Variants in PKD1L3 observed in about 807,000 individuals in gnomAD.
PKD1L3 encodes the protein polycystin-1-like protein 3.
Under a neutral mutation model 184.1 loss-of-function variants are expected in PKD1L3, and 239 were observed. That is an observed-to-expected ratio of 1.30 (90% confidence interval 1.17 to 1.45). The LOEUF (loss-of-function observed/expected upper bound fraction) is 1.45. PKD1L3 is among the 40% of genes most tolerant of loss of function. The probability of loss-of-function intolerance (pLI) is 0.00; values close to 1 mark genes in which losing one functional copy is unlikely to be tolerated. For synonymous variants in PKD1L3, 996 were observed against 778.8 expected, an observed-to-expected ratio of 1.28 and a Z score of -4.64; for missense variants, 2,660 against 2,067.2, an observed-to-expected ratio of 1.29 and a Z score of -5.56.
intron 22 of PKD1L3, among the ~76,000 whole-genome samples, chr16:71,946,294 T>C (rs2038600784): frequency 6.6e-6 from 1 of 151,866 alleles, no homozygotes; most frequent in Non-Finnish European, 1.5e-5. Context: ...TAAAGTGTGC[T>C]GTGTACCCCT....
At position 71,999,718 on chromosome 16, in the gene PKD1L3, C is replaced by T. The variant is rs1327641234; in HGVS notation, c.261G>A (p.Met87Ile). The T allele has an allele frequency of 1.9e-6, 3 of 1,550,130 alleles. No homozygotes were observed. Among genetic ancestry groups the T allele is most frequent in the Admixed American group, 2.0e-5 (1 of 50,858 alleles). ...GKKWWIGQNVMPLKKHQDNKY... is the reference protein window; with the variant it reads ...GKKWWIGQNVIPLKKHQDNKY... ...TGTTGTCTTGATGCTTTTTCAATGG[C>T]ATTACATTTTGCCCAATCCACCACT... Residue 87 changes from methionine (M) to isoleucine (I), a missense_variant, in exon 1 of 30, where the codon ATG becomes ATA. Met to Ile is a conservative substitution (Grantham distance 10). Coordinates refer to ENST00000620267, the MANE Select transcript of PKD1L3 (RefSeq NM_181536.2).
intron 22 of PKD1L3, among the ~76,000 whole-genome samples, chr16:71,945,424 T>TTATA (rs1555514841): frequency 6.9e-5 from 10 of 145,326 alleles, no homozygotes; most frequent in African/African-American, 2.5e-4. Context: ...ATTTATTTAT[T>TTATA]TATATATGTA....
At chr16:71,983,663 CTTTTTTTTTTTTTT>C (rs1180950058) in intron 6 of PKD1L3, among the ~76,000 whole-genome samples, 7 of 100,308 alleles carry the variant, frequency 7.0e-5, no homozygotes, top group African/African-American at 2.3e-4. Flanking sequence ...GATTCTCTTT[CTTTTTTTTTTTTTT>C]TTTTTTTTGG....
chr16:71,934,940 A>G (rs1297212557), intron 26 of PKD1L3, among the ~76,000 whole-genome samples: 2 of 152,250 alleles, frequency 1.3e-5, no homozygotes, highest in Non-Finnish European at 2.9e-5. Flanking sequence ...AAAATCTCTT[A>G]GTATGGATGA....
chr16:71,981,274 T>A (rs1371884183), intron 7 of PKD1L3, among the ~76,000 whole-genome samples: 2 of 152,214 alleles, frequency 1.3e-5, no homozygotes, highest in South Asian at 2.1e-4. Flanking sequence ...ACATGGCGAT[T>A]CTATTTTTTA....
chr16:71,958,365 C>T (rs1418801417), intron 16 of PKD1L3, among the ~76,000 whole-genome samples: 2 of 134,606 alleles, frequency 1.5e-5, no homozygotes, highest in Admixed American at 8.0e-5. Flanking sequence ...CCAGCCTGGG[C>T]GACAGAGCGA....
intron 3 of PKD1L3, among the ~76,000 whole-genome samples, chr16:71,992,366 A>G (rs970726578): frequency 1.3e-5 from 2 of 152,220 alleles, no homozygotes; most frequent in Non-Finnish European, 2.9e-5. Context: ...TAATTCAGTA[A>G]TTTAGTTTTA....
At chr16:71,982,665 T>C (rs116402171) in intron 6 of PKD1L3, among the ~76,000 whole-genome samples, 5,963 of 152,168 alleles carry the variant, frequency 0.039, 349 homozygotes, top group African/African-American at 0.14. Context: ...GGTACAATCA[T>C]GCCTCACTGC....
rs2040883129 is a variant in PKD1L3 at position 71,999,064 on chromosome 16, G to A, written c.295+620C>T. On this transcript the variant is annotated intron_variant, in intron 1 of 29. Transcript: ENST00000620267. ...AGGCGGGCGGATCACGAGGTCAGGA[G>A]ATCAAGACCATCCTGGCTAACACAG... Among the ~76,000 whole-genome samples the A allele has an allele frequency of 3.9e-5, 6 of 152,100 alleles. 1 individual carries two copies. In the South Asian group the frequency reaches 1.2e-3, roughly 32 times the overall value.
Position 71,935,431 on chromosome 16 carries a change from G to A in PKD1L3, c.4540C>T (p.Leu1514Phe). The change falls in exon 26 of 30, where the codon CTC becomes TTC. Residue 1514 changes from leucine (L) to phenylalanine (F), a missense_variant. Leu to Phe is a conservative substitution (Grantham distance 22). Transcript: ENST00000620267. ...ATACTCTTCATGTCAAGCCCCAGGA[G>A]GATGAAGCTAATGAGGATTATACTT... Reference protein sequence around the residue: ...DTSIILISFILLGLDMKSISL... With the variant: ...DTSIILISFIFLGLDMKSISL... The A allele has an allele frequency of 6.4e-7, 1 of 1,552,014 alleles. No individual in the cohort carries two copies. Among genetic ancestry groups the A allele is most frequent in the Non-Finnish European group, 8.7e-7 (1 of 1,147,020 alleles).
intron 16 of PKD1L3, among the ~76,000 whole-genome samples, chr16:71,959,462 A>AGAAT (rs1597322728): frequency 6.6e-6 from 1 of 152,184 alleles, no homozygotes; most frequent in African/African-American, 2.4e-5. Context: ...ACAGAAAACT[A>AGAAT]GAATAAACAG....
At chr16:71,951,476 T>C in intron 19 of PKD1L3, 88 bp downstream of exon 19, 1 of 1,325,218 alleles carries the variant, frequency 7.5e-7, no homozygotes, top group Non-Finnish European at 1.0e-6. Context: ...ATCAGGCCTG[T>C]CGGTTATGAA....
chr16:71,931,374 G>A (rs1047049948), intron 28 of PKD1L3, among the ~76,000 whole-genome samples: 1 of 151,652 alleles, frequency 6.6e-6, no homozygotes, highest in Non-Finnish European at 1.5e-5. Context: ...GGCCCCCACA[G>A]GTACCAAAAT....
intron 16 of PKD1L3, among the ~76,000 whole-genome samples, chr16:71,957,387 G>A (rs1021794264): frequency 6.6e-6 from 1 of 152,028 alleles, no homozygotes; most frequent in Admixed American, 6.6e-5. Context: ...ATGTAAATAG[G>A]TTAAACTCAC....
chr16:71,953,220 G>T, intron 17 of PKD1L3, 127 bp from the exon 18 acceptor site: 1 of 780,496 alleles, frequency 1.3e-6, no homozygotes, highest in South Asian at 2.4e-5. Context: ...AAATTATCCT[G>T]GCAGTAAAGA....
At chr16:71,942,092 T>A (rs8059053) in intron 24 of PKD1L3, among the ~76,000 whole-genome samples, 109,665 of 151,244 alleles carry the variant, frequency 0.73, 40,411 homozygotes, top group East Asian at 0.98. Context: ...AGGTGGTCAG[T>A]TCACTTGAGG....
chr16:71,950,665 G>A (rs150770249), intron 19 of PKD1L3, among the ~76,000 whole-genome samples: 4 of 151,670 alleles, frequency 2.6e-5, no homozygotes, highest in South Asian at 2.1e-4. Context: ...AGGATGACAA[G>A]TTTCAACAGC....
At chr16:71,948,365 G>A (rs944582135) in intron 21 of PKD1L3, among the ~76,000 whole-genome samples, 4 of 152,164 alleles carry the variant, frequency 2.6e-5, no homozygotes, top group African/African-American at 9.7e-5. Flanking sequence ...TTACAGGCGT[G>A]AGCCCCCACA....
intron 11 of PKD1L3, among the ~76,000 whole-genome samples, chr16:71,976,644 T>C (rs1471324094): frequency 6.6e-6 from 1 of 152,110 alleles, no homozygotes; most frequent in East Asian, 1.9e-4. Context: ...AGTGGCCACA[T>C]GAAGTAGCTC....
Sources: allele counts gnomAD v4.1 joint callset (sites outside exome capture counted in the v4.1 genomes callset), GRCh38; gene constraint gnomAD v4.1.1; transcripts MANE v1.5; gene names NCBI Gene and HGNC (gene_info 2026-07-23, HGNC 2026-07-21).